NEGR1: variants seen among roughly 807,000 people sequenced by gnomAD.
The protein encoded by NEGR1 is IgLON family member 4.
A neutral mutation model predicts 40.9 loss-of-function variants in NEGR1; 10 were observed. The ratio of observed to expected loss-of-function variants is 0.24; its 90% CI spans 0.15 to 0.42. The LOEUF is 0.42. Ranked by LOEUF, NEGR1 falls within the 10% of genes least tolerant of loss-of-function variation. The probability of loss-of-function intolerance (pLI) is 1.00; values close to 1 mark genes in which losing one functional copy is unlikely to be tolerated. For missense variants in NEGR1, 352 were observed against 438.9 expected (o/e 0.80, Z 1.77); for synonymous variants, 185 against 166.8 (o/e 1.11, Z -0.84).
chr1:71,735,740 T>C (rs1432497015), intron 3 of NEGR1, among the ~76,000 whole-genome samples: 3 of 152,150 alleles, frequency 2.0e-5, no homozygotes, highest in East Asian at 3.9e-4. Flanking sequence ...AGATAAAATA[T>C]ACTTTTGAAT....
chr1:71,429,812 G>A (rs1266159439), intron 6 of NEGR1, among the ~76,000 whole-genome samples: 1 of 152,196 alleles, frequency 6.6e-6, no homozygotes, highest in African/African-American at 2.4e-5. Flanking sequence ...GCCTCTGTAT[G>A]AGAAATATTT....
intron 6 of NEGR1, among the ~76,000 whole-genome samples, chr1:71,577,914 T>C (rs539412688): frequency 6.6e-6 from 1 of 152,248 alleles, no homozygotes; most frequent in East Asian, 1.9e-4. Context: ...TGGAGCTATT[T>C]TTTTTCCCAG....
At chr1:72,195,570 A>T (rs970373629) in intron 1 of NEGR1, among the ~76,000 whole-genome samples, 2 of 152,034 alleles carry the variant, frequency 1.3e-5, no homozygotes, top group East Asian at 3.9e-4. Context: ...ATGTATTTTC[A>T]TAGACATATA....
intron 1 of NEGR1, among the ~76,000 whole-genome samples, chr1:72,057,143 C>T (rs77678272): frequency 0.011 from 1,711 of 151,548 alleles, 31 homozygotes; most frequent in African/African-American, 0.039. Context: ...TGATGGTTCA[C>T]AATGTTATTA....
At chr1:71,702,247 C>G (rs2101633111) in intron 3 of NEGR1, among the ~76,000 whole-genome samples, 1 of 152,154 alleles carries the variant, frequency 6.6e-6, no homozygotes, top group Admixed American at 6.5e-5. Flanking sequence ...TTACTCGTGA[C>G]AAGATCTCTG....
intron 1 of NEGR1, among the ~76,000 whole-genome samples, chr1:72,250,715 A>G (rs1027427589): frequency 6.6e-6 from 1 of 152,178 alleles, no homozygotes; most frequent in Admixed American, 6.5e-5. Flanking sequence ...ATTTTTATCA[A>G]TATCTTAAGG....
intron 1 of NEGR1, among the ~76,000 whole-genome samples, chr1:72,073,520 A>C (rs542354611): frequency 6.6e-6 from 1 of 152,280 alleles, no homozygotes; most frequent in Admixed American, 6.6e-5. Context: ...CAACACTGTA[A>C]GGACTTTGTA....
At chr1:72,067,059 TG>T (rs1193315738) in intron 1 of NEGR1, among the ~76,000 whole-genome samples, 2 of 152,052 alleles carry the variant, frequency 1.3e-5, no homozygotes, top group Non-Finnish European at 2.9e-5. Flanking sequence ...TCATGTTAGG[TG>T]TATTGCATGT....
intron 1 of NEGR1, among the ~76,000 whole-genome samples, chr1:72,258,565 GA>G (rs2100541986): frequency 6.6e-6 from 1 of 152,204 alleles, no homozygotes; most frequent in African/African-American, 2.4e-5. Context: ...TTGACATTTA[GA>G]AAATAAAATT....
chr1:71,445,223 T>G (rs919800609), intron 6 of NEGR1, among the ~76,000 whole-genome samples: 3 of 152,080 alleles, frequency 2.0e-5, no homozygotes, highest in African/African-American at 7.2e-5. Flanking sequence ...GAGGAAAATC[T>G]TAAATCTTGT....
intron 1 of NEGR1, chr1:72,275,116 C>T: frequency 1.2e-6 from 1 of 818,222 alleles, no homozygotes; most frequent in Middle Eastern, 3.1e-4. Flanking sequence ...AACAGAAAGC[C>T]AGATCTTTAT....
intron 2 of NEGR1, among the ~76,000 whole-genome samples, chr1:71,873,849 T>C (rs140712224): frequency 3.6e-4 from 55 of 152,268 alleles, no homozygotes; most frequent in African/African-American, 1.2e-3. Flanking sequence ...CAAAATCTCA[T>C]CTGTATGACA....
At chr1:71,784,841 G>T (rs982392500) in intron 2 of NEGR1, among the ~76,000 whole-genome samples, 1 of 152,124 alleles carries the variant, frequency 6.6e-6, no homozygotes, top group African/African-American at 2.4e-5. Flanking sequence ...GATAAAATGA[G>T]CTTTTAAAAG....
chr1:71,748,620 G>A (rs573867354), intron 3 of NEGR1, among the ~76,000 whole-genome samples: 1 of 152,018 alleles, frequency 6.6e-6, no homozygotes, highest in South Asian at 2.1e-4. Flanking sequence ...ATATTTCAGT[G>A]GGCTTATTAG....
intron 1 of NEGR1, among the ~76,000 whole-genome samples, chr1:72,105,897 G>A (rs955404878): frequency 2.6e-5 from 4 of 152,060 alleles, no homozygotes; most frequent in Non-Finnish European, 4.4e-5. Flanking sequence ...AGTTTACTGA[G>A]AGCAGAAGAT....
At chr1:72,193,560 A>C (rs1467879763) in intron 1 of NEGR1, among the ~76,000 whole-genome samples, 1 of 151,736 alleles carries the variant, frequency 6.6e-6, no homozygotes, top group Non-Finnish European at 1.5e-5. Context: ...GATGACTTGG[A>C]ACAAAGAATT....
At chr1:71,641,585 A>G (rs535235938) in intron 4 of NEGR1, among the ~76,000 whole-genome samples, 29 of 152,060 alleles carry the variant, frequency 1.9e-4, no homozygotes, top group African/African-American at 7.0e-4. Context: ...CATTTCTTAA[A>G]TCTCCAGACT....
chr1:72,179,670 A>T (rs538762778), intron 1 of NEGR1, among the ~76,000 whole-genome samples: 4 of 152,188 alleles, frequency 2.6e-5, no homozygotes, highest in South Asian at 2.1e-4. Flanking sequence ...TTTTATTCTA[A>T]TTTTTTCAAT....
At chr1:72,188,404 C>T (rs1310023636) in intron 1 of NEGR1, among the ~76,000 whole-genome samples, 6 of 151,444 alleles carry the variant, frequency 4.0e-5, no homozygotes, top group African/African-American at 1.5e-4. Context: ...GGTTAATTCA[C>T]ACTTGTAGAA....
Sources: allele counts gnomAD v4.1 joint callset (sites outside exome capture counted in the v4.1 genomes callset), GRCh38; gene constraint gnomAD v4.1.1; transcripts MANE v1.5; gene names NCBI Gene and HGNC (gene_info 2026-07-23, HGNC 2026-07-21).